DIP2B: variants seen among roughly 807,000 people sequenced by gnomAD.
The protein encoded by DIP2B is disco-interacting protein 2 homolog B.
A neutral mutation model predicts 198.0 loss-of-function variants in DIP2B; 76 were observed. That is an observed-to-expected ratio of 0.38 (90% CI 0.32 to 0.46). DIP2B has a LOEUF of 0.46. Among genes scored for constraint, DIP2B ranks in the 20% least tolerant of loss-of-function variants. DIP2B has a pLI of 0.99. For synonymous variants in DIP2B, 701 were observed against 739.1 expected (o/e 0.95, Z 0.84); for missense variants, 1,559 against 1,978.4 (o/e 0.79, Z 4.02).
At chr12:50,696,266 A>G (rs1410000623) in intron 16 of DIP2B, among the ~76,000 whole-genome samples, 2 of 152,198 alleles carry the variant, frequency 1.3e-5, no homozygotes, top group African/African-American at 4.8e-5. Flanking sequence ...CCTATTCTGA[A>G]CATTTCTTAT....
At chr12:50,725,628 A>G (rs1939918653) in intron 28 of DIP2B, among the ~76,000 whole-genome samples, 1 of 152,204 alleles carries the variant, frequency 6.6e-6, no homozygotes, top group South Asian at 2.1e-4. Flanking sequence ...AGCTTCTAGC[A>G]TGTAATCATA....
chr12:50,633,559 A>G (rs186921867), intron 2 of DIP2B, among the ~76,000 whole-genome samples: 1 of 152,104 alleles, frequency 6.6e-6, no homozygotes, highest in Non-Finnish European at 1.5e-5. Context: ...CAGGATGATC[A>G]CTTGAGACCA....
At position 50,708,462 on chromosome 12, in the gene DIP2B, C is replaced by T; in HGVS notation, c.2549C>T (p.Ser850Phe). 1 of 1,600,360 alleles carries T rather than the reference C, an allele frequency of 6.2e-7. No individual in the cohort carries two copies. The highest frequency in any genetic ancestry group is 8.5e-7 in the Non-Finnish European group (1 of 1,172,428). ...TVYRGRIAVF[S>F]VSVFYDERIV... ...GTCTCTCTTAGAATTGCTGTGTTTT[C>T]TGTGTCTGTATTTTATGATGAGCGC... Residue 850 changes from serine (S) to phenylalanine (F), a missense_variant, in exon 22 of 38, where the codon TCT becomes TTT. By Grantham distance (155) the Ser-to-Phe change is radical. Transcript: ENST00000301180.
At chr12:50,727,236 A>AT (rs1403503578) in intron 28 of DIP2B, among the ~76,000 whole-genome samples, 2 of 152,272 alleles carry the variant, frequency 1.3e-5, no homozygotes, top group African/African-American at 4.8e-5. Flanking sequence ...TGAAACCAGC[A>AT]TAACAGCTAA....
intron 20 of DIP2B, among the ~76,000 whole-genome samples, chr12:50,705,799 T>TA (rs1939503607): frequency 6.6e-6 from 1 of 152,242 alleles, no homozygotes; most frequent in Admixed American, 6.5e-5. Flanking sequence ...AGTCACTGTG[T>TA]AGGGCACTAC....
rs952949566 is a variant in DIP2B, at chr12:50,513,805, C to T, written c.100+8565C>T. Among the ~76,000 whole-genome samples, 7 of 146,940 alleles carry T rather than the reference C, an allele frequency of 4.8e-5. No homozygotes were observed. The East Asian group carries it at 6.3e-4, about 13-fold the overall frequency. On this transcript the variant is annotated intron_variant, in intron 1 of 37. Transcript: ENST00000301180. ...AGGAGAATTGCTTGAACCTGGGAGG[C>T]GGAGGTTGCAGTGAGCTGAGATCAT...
At chr12:50,608,806 G>A (rs1959006510) in intron 1 of DIP2B, among the ~76,000 whole-genome samples, 1 of 152,048 alleles carries the variant, frequency 6.6e-6, no homozygotes, top group Non-Finnish European at 1.5e-5. Flanking sequence ...TAAGAATCCA[G>A]CCTAGAACAA....
At chr12:50,528,204 G>T (rs1253313158) in intron 1 of DIP2B, among the ~76,000 whole-genome samples, 1 of 151,190 alleles carries the variant, frequency 6.6e-6, no homozygotes, top group Non-Finnish European at 1.5e-5. Flanking sequence ...TGGGATTATA[G>T]ACGTGAGCCA....
intron 32 of DIP2B, among the ~76,000 whole-genome samples, chr12:50,733,450 G>C (rs577394421): frequency 2.0e-5 from 3 of 152,068 alleles, no homozygotes; most frequent in Non-Finnish European, 4.4e-5. Context: ...CACTTTGTGA[G>C]GCCAAGGCAG....
At chr12:50,668,239 A>C (rs753013160) in intron 4 of DIP2B, among the ~76,000 whole-genome samples, 1 of 152,194 alleles carries the variant, frequency 6.6e-6, no homozygotes, top group Non-Finnish European at 1.5e-5. Context: ...TCTCAGTCCC[A>C]TAAGAATAGG....
At chr12:50,593,166 T>C (rs1419629353) in intron 1 of DIP2B, among the ~76,000 whole-genome samples, 1 of 152,168 alleles carries the variant, frequency 6.6e-6, no homozygotes, top group Non-Finnish European at 1.5e-5. Flanking sequence ...AGCCCTAGAC[T>C]TAATGTCCTG....
At chr12:50,562,306 G>T (rs1958526047) in intron 1 of DIP2B, among the ~76,000 whole-genome samples, 1 of 152,172 alleles carries the variant, frequency 6.6e-6, no homozygotes, top group Non-Finnish European at 1.5e-5. Context: ...ATAAGAATAA[G>T]AGGGGAGGTT....
chr12:50,543,676 A>G (rs1958347424), intron 1 of DIP2B, among the ~76,000 whole-genome samples: 1 of 151,528 alleles, frequency 6.6e-6, no homozygotes, highest in African/African-American at 2.4e-5. Context: ...TAATCCCAGC[A>G]CTTTGGGAGG....
chr12:50,685,984 G>A, intron 11 of DIP2B, 28 bp downstream of exon 11: 1 of 1,597,828 alleles, frequency 6.3e-7, no homozygotes, highest in South Asian at 1.1e-5. Context: ...TGAATTATCA[G>A]TTAAAAGTTA....
intron 1 of DIP2B, among the ~76,000 whole-genome samples, chr12:50,557,331 G>T (rs980188613): frequency 1.3e-5 from 2 of 152,196 alleles, no homozygotes; most frequent in South Asian, 2.1e-4. Context: ...CCAGGCTGTG[G>T]TCTGGTTGCT....
At chr12:50,703,397 T>C (rs1340051100) in intron 19 of DIP2B, among the ~76,000 whole-genome samples, 3 of 152,184 alleles carry the variant, frequency 2.0e-5, no homozygotes, top group Non-Finnish European at 4.4e-5. Context: ...GACAGTTTTA[T>C]AGGCCAGCCA....
At position 50,678,916 on chromosome 12, in the gene DIP2B, T is replaced by C. The variant is rs145271948; in HGVS notation, c.1114+40T>C. On this transcript the variant is annotated intron_variant, in intron 8 of 37. Coordinates refer to ENST00000301180, the MANE Select transcript of DIP2B (RefSeq NM_173602.3). ...TTCCAGATCCTTCTCTCCTGAGAGT[T>C]CTTCAGAATATCATGGGTAGTGTTT... is the stretch of plus-strand genomic sequence containing the variant. The C allele has an allele frequency of 6.2e-6, 10 of 1,608,094 alleles. No homozygotes were observed. The African/African-American group carries it at 1.3e-4, about 21-fold the overall frequency.
At chr12:50,717,024 G>A (rs144946091) in intron 23 of DIP2B, among the ~76,000 whole-genome samples, 77 of 126,956 alleles carry the variant, frequency 6.1e-4, no homozygotes, top group African/African-American at 2.2e-3. Flanking sequence ...GTACAGTAGC[G>A]TGATCTGGCT....
At chr12:50,526,880 A>T (rs996477541) in intron 1 of DIP2B, among the ~76,000 whole-genome samples, 2 of 151,914 alleles carry the variant, frequency 1.3e-5, no homozygotes, top group African/African-American at 4.8e-5. Flanking sequence ...AGGTAATACG[A>T]CTACCCCGGT....
Sources: gnomAD v4.1 joint callset for allele counts (sites outside exome capture counted in the v4.1 genomes callset) on GRCh38, gnomAD v4.1.1 for gene constraint, MANE v1.5 for transcripts, NCBI Gene and HGNC (gene_info 2026-07-23, HGNC 2026-07-21) for gene names.